FN3K: variants seen among roughly 807,000 people sequenced by gnomAD.
FN3K encodes fructosamine 3 kinase, also known as fructosamine-3-kinase.
In FN3K, 24 loss-of-function variants were observed where a neutral mutation model predicts 24.8. The ratio of observed to expected loss-of-function variants is 0.97; its 90% confidence interval spans 0.70 to 1.36. The LOEUF (loss-of-function observed/expected upper bound fraction) is 1.36, where lower values mean the gene tolerates loss of function less well. FN3K is among the 40% of genes most tolerant of loss of function. The pLI is 0.00. For missense variants in FN3K, 449 were observed against 416.7 expected (o/e 1.08, Z -0.67); for synonymous variants, 192 against 175.2 (o/e 1.10, Z -0.76).
chr17:82,748,976 A>G lies in FN3K; in HGVS notation c.590A>G (p.Gln197Arg). 1 of 1,614,168 alleles carries G rather than the reference A, an allele frequency of 6.2e-7. No homozygotes were observed. Among genetic ancestry groups the G allele is most frequent in the Non-Finnish European group, 8.5e-7 (1 of 1,180,022 alleles). ...GCACGAGAACTCTGGTCCCGGCTAC[A>G]GGTGGGCACGGCAGTGACTTCTCTG... ...REARELWSRL[Q>R]VKIPDLFCGL... Residue 197 changes from glutamine to arginine, a missense_variant and splice_region_variant, in exon 5 of 6, where the codon CAG (glutamine) becomes CGG (arginine). Physicochemically the swap from Gln to Arg is conservative, Grantham distance 43. Coordinates refer to ENST00000300784, the MANE Select transcript of FN3K (RefSeq NM_022158.4).
intron 5 of FN3K, 121 bp downstream of exon 5, chr17:82,749,098 C>CA (rs1318953855): frequency 6.7e-7 from 1 of 1,482,378 alleles, no homozygotes; most frequent in Non-Finnish European, 9.2e-7. Flanking sequence ...GAGCACACAT[C>CA]AGGGAGGAAG....
At chr17:82,738,444 C>T in intron 1 of FN3K, 45 bp from the exon 2 acceptor site, 1 of 1,611,140 alleles carries the variant, frequency 6.2e-7, no homozygotes, top group Non-Finnish European at 8.5e-7. Context: ...GGGCAGAGGC[C>T]CTGGCTGAGT....
At chr17:82,738,152 C>T (rs1280487508) in intron 1 of FN3K, 2 of 272,662 alleles carry the variant, frequency 7.3e-6, no homozygotes, top group South Asian at 5.2e-5. Context: ...GGTGGGTAGC[C>T]CGGGGGTCCA....
intron 2 of FN3K, 31 bp downstream of exon 2, chr17:82,738,671 T>C (rs2253131): frequency 1.9e-6 from 3 of 1,611,346 alleles, no homozygotes; most frequent in African/African-American, 1.3e-5. Flanking sequence ...TATGCGCACA[T>C]GTGTACAGGC....
chr17:82,740,862 C>A lies in FN3K; in HGVS notation c.385+8C>A. The A allele has an allele frequency of 6.2e-7, 1 of 1,603,670 alleles. No homozygotes were observed. The highest frequency in any genetic ancestry group is 1.1e-5 in the South Asian group (1 of 90,704). ...AGGAGGAGAACACAGTGGGTATGTT[C>A]AGATTGCTTTTGGGTACCCTTGATC... On this transcript the variant is annotated splice_region_variant and intron_variant, in intron 3 of 5. Transcript: ENST00000300784.
In FN3K at chr17:82,746,547, T is replaced by C. The variant is rs2046969478; in HGVS notation, c.469-2308T>C. Among the ~76,000 whole-genome samples the C allele has an allele frequency of 3.3e-5, 5 of 152,162 alleles. No individual in the cohort carries two copies. In the South Asian group the frequency reaches 1.0e-3, roughly 32 times the overall value. ...TGGGCATGGTGGCTCGCGCCTGTAA[T>C]CCCAGCACTTTCGGAGGCCGAGGTG... is the stretch of plus-strand genomic sequence containing the variant. On this transcript the variant is annotated intron_variant, in intron 4 of 5. Transcript: ENST00000300784.
At chr17:82,742,831 C>T (rs2046948452) in intron 4 of FN3K, 3 of 428,130 alleles carry the variant, frequency 7.0e-6, no homozygotes, top group South Asian at 3.4e-5. Context: ...TCAAATCTGT[C>T]TCCTTGTCGA....
At chr17:82,742,437 CTT>C (rs921672772) in intron 4 of FN3K, among the ~76,000 whole-genome samples, 1 of 152,194 alleles carries the variant, frequency 6.6e-6, no homozygotes, top group African/African-American at 2.4e-5. Flanking sequence ...CCTTCTGTCT[CTT>C]TGAATTTTCT....
At chr17:82,748,703 T>C in intron 4 of FN3K, 152 bp from the exon 5 acceptor site, 1 of 1,215,936 alleles carries the variant, frequency 8.2e-7, no homozygotes, top group Non-Finnish European at 1.2e-6. Context: ...TCTCTTTACC[T>C]GCCTTCCTCT....
Position 82,735,667 on chromosome 17 carries a change from A to T in FN3K, c.31A>T (p.Thr11Ser), listed in dbSNP as rs766092292. ...GCAGCTGCTGCGCGCCGAGCTGCGC[A>T]CCGCGACCCTGCGGGCCTTCGGCGG... The part of the protein sequence containing the change: MEQLLRAELR[T>S]ATLRAFGGPG... The change falls in exon 1 of 6, where the codon ACC becomes TCC. Residue 11 changes from threonine to serine, a missense_variant. Coordinates refer to ENST00000300784, the MANE Select transcript of FN3K (RefSeq NM_022158.4). 3.9e-6 allele frequency: 6 copies of T among 1,538,738 alleles called. No individual in the cohort carries two copies. The African/African-American group carries it at 8.3e-5, about 21-fold the overall frequency.
At chr17:82,746,900 C>T (rs2046971783) in intron 4 of FN3K, among the ~76,000 whole-genome samples, 1 of 152,100 alleles carries the variant, frequency 6.6e-6, no homozygotes, top group Non-Finnish European at 1.5e-5. Flanking sequence ...TCTTGGCTCA[C>T]TGCAACCCCT....
Position 82,743,734 on chromosome 17 carries a change from G to A in FN3K, c.468+2341G>A, listed in dbSNP as rs903581065. ...CTGATCCGTTTTATAGATGAGGAAAGTGACATGCAGAGTTCATGCCTGGGT... is the reference window on the plus strand; with the variant it reads ...CTGATCCGTTTTATAGATGAGGAAAATGACATGCAGAGTTCATGCCTGGGT... On this transcript the variant is annotated intron_variant, in intron 4 of 5. Coordinates refer to ENST00000300784, the MANE Select transcript of FN3K (RefSeq NM_022158.4). Among the ~76,000 whole-genome samples, 16 of 152,258 alleles carry A rather than the reference G, an allele frequency of 1.1e-4. No individual in the cohort carries two copies. The South Asian group carries it at 1.4e-3, about 14-fold the overall frequency.
chr17:82,750,955 G>GTCCCTA lies in FN3K; in HGVS notation c.*204_*205insTATCCC. The GTCCCTA allele has an allele frequency of 3.8e-6, 1 of 261,416 alleles. No individual in the cohort carries two copies. The highest frequency in any genetic ancestry group is 6.9e-6 in the Non-Finnish European group (1 of 145,660). The allele number at this position is 261,416 out of a possible 1,614,324, so 16.2% of individuals were successfully genotyped here. ...CTCCATCCCTGTCCCCCGTCCCCCT[G>GTCCCTA]TCCCCCTGTCCACATACCAATCCCC... On this transcript the variant is annotated 3_prime_UTR_variant, in exon 6 of 6. Transcript: ENST00000300784.
chr17:82,740,031 G>A (rs2046932110), intron 2 of FN3K, among the ~76,000 whole-genome samples: 2 of 152,118 alleles, frequency 1.3e-5, no homozygotes, highest in South Asian at 4.1e-4. Flanking sequence ...AGCCTGCAGA[G>A]TAGCTGGGAC....
At chr17:82,742,842 C>T (rs1269596832) in intron 4 of FN3K, 15 of 406,754 alleles carry the variant, frequency 3.7e-5, no homozygotes, top group Admixed American at 3.6e-4. Context: ...TCCTTGTCGA[C>T]GCCCGTCCTG....
intron 5 of FN3K, 136 bp from the exon 6 acceptor site, chr17:82,750,281 T>C: frequency 9.0e-6 from 7 of 781,208 alleles, no homozygotes; most frequent in Non-Finnish European, 1.6e-5. Flanking sequence ...GTGGCCCCTA[T>C]TTCTGGGCTT....
intron 4 of FN3K, chr17:82,742,714 T>G (rs532613377): frequency 2.2e-6 from 1 of 456,292 alleles, no homozygotes; most frequent in South Asian, 1.5e-5. Context: ...GCCCTGTGCT[T>G]CTCTTGAAGA....
chr17:82,748,337 G>C (rs2046980189), intron 4 of FN3K, among the ~76,000 whole-genome samples: 1 of 151,960 alleles, frequency 6.6e-6, no homozygotes, highest in Non-Finnish European at 1.5e-5. Flanking sequence ...AGTAGAGATG[G>C]AGTTTCCTTA....
At chr17:82,743,135 G>A (rs2046950237) in intron 4 of FN3K, among the ~76,000 whole-genome samples, 1 of 152,164 alleles carries the variant, frequency 6.6e-6, no homozygotes, top group Non-Finnish European at 1.5e-5. Context: ...AGGTGAGCAC[G>A]GCTGGGTGCA....
Sources: allele counts gnomAD v4.1 joint callset (sites outside exome capture counted in the v4.1 genomes callset), GRCh38; gene constraint gnomAD v4.1.1; transcripts MANE v1.5; gene names NCBI Gene and HGNC (gene_info 2026-07-23, HGNC 2026-07-21).